SLC9D1: variants seen among roughly 807,000 people sequenced by gnomAD.
The protein encoded by SLC9D1 is solute carrier family 9 member D1.
the SLC9D1 span, among the ~76,000 whole-genome samples, chr13:113,548,818 T>C: frequency 6.6e-6 from 1 of 152,036 alleles, no homozygotes; most frequent in Non-Finnish European, 1.5e-5. Context: ...TGGGTGGAGG[T>C]TCCTGTGGAC....
chr13:113,524,282 A>C, the SLC9D1 span: 1 of 406,610 alleles, frequency 2.5e-6, no homozygotes, highest in Non-Finnish European at 4.8e-6. Context: ...TGTTTGGTAC[A>C]TACACATTTA....
the SLC9D1 span, among the ~76,000 whole-genome samples, chr13:113,548,621 C>T: frequency 4.6e-5 from 7 of 152,368 alleles, no homozygotes; most frequent in East Asian, 1.2e-3. Context: ...CAGCATGTGG[C>T]GTTTTCAGAG....
chr13:113,548,131 G>A, the SLC9D1 span, among the ~76,000 whole-genome samples: 4 of 152,070 alleles, frequency 2.6e-5, no homozygotes, highest in Non-Finnish European at 2.9e-5. Context: ...GAGGTTTTGC[G>A]TGTATTTGGT....
At chr13:113,548,220 C>G in the SLC9D1 span, 2 of 1,488,446 alleles carry the variant, frequency 1.3e-6, no homozygotes, top group African/African-American at 2.8e-5. Context: ...GTGCCTGTGG[C>G]TCGTCTGGGT....
the SLC9D1 span, chr13:113,504,766 C>T: frequency 2.0e-5 from 3 of 152,198 alleles, no homozygotes; most frequent in South Asian, 2.1e-4. Flanking sequence ...AACTGCAAAT[C>T]GTGCTGCTCT....
At chr13:113,509,384 T>TCC in the SLC9D1 span, among the ~76,000 whole-genome samples, 5 of 120,376 alleles carry the variant, frequency 4.2e-5, no homozygotes, top group Non-Finnish European at 8.7e-5. Flanking sequence ...GGTGGGTGGG[T>TCC]CCTCTGGAGC....
the SLC9D1 span, chr13:113,510,518 CAA>C: frequency 8.0e-7 from 1 of 1,246,304 alleles, no homozygotes; most frequent in Non-Finnish European, 1.1e-6. Context: ...GGAAAAATTG[CAA>C]AGTCTTATTT....
chr13:113,522,702 G>A, the SLC9D1 span, among the ~76,000 whole-genome samples: 1 of 151,900 alleles, frequency 6.6e-6, no homozygotes, highest in Non-Finnish European at 1.5e-5. Context: ...TCGTGATCTC[G>A]GCTCACTGAA....
chr13:113,525,410 A>G, the SLC9D1 span, among the ~76,000 whole-genome samples: 2 of 152,252 alleles, frequency 1.3e-5, no homozygotes, highest in East Asian at 1.9e-4. Context: ...AATACTTGAT[A>G]ACGACAATAA....
At chr13:113,548,798 C>T in the SLC9D1 span, among the ~76,000 whole-genome samples, 2 of 152,196 alleles carry the variant, frequency 1.3e-5, no homozygotes, top group Non-Finnish European at 2.9e-5. Flanking sequence ...TGGCAGTGTG[C>T]CCGGAGAGCT....
the SLC9D1 span, among the ~76,000 whole-genome samples, chr13:113,518,039 A>C: frequency 6.6e-6 from 1 of 152,256 alleles, no homozygotes; most frequent in African/African-American, 2.4e-5. Context: ...CTGTATATTT[A>C]AACTGTTTAA....
the SLC9D1 span, among the ~76,000 whole-genome samples, chr13:113,513,833 G>A: frequency 6.6e-6 from 1 of 152,134 alleles, no homozygotes; most frequent in African/African-American, 2.4e-5. Context: ...CTAAAATTCA[G>A]TGGGTACCAA....
the SLC9D1 span, chr13:113,549,310 G>A: frequency 1.3e-5 from 15 of 1,198,330 alleles, no homozygotes; most frequent in African/African-American, 2.3e-4. Flanking sequence ...CTCAGCCTCA[G>A]GACTCTAGCT....
chr13:113,544,896 CG>C, the SLC9D1 span, among the ~76,000 whole-genome samples: 8 of 152,246 alleles, frequency 5.3e-5, no homozygotes, highest in Non-Finnish European at 8.8e-5. Context: ...CCATAAAGCA[CG>C]AAGTGTTTTC....
At chr13:113,532,282 C>T in the SLC9D1 span, among the ~76,000 whole-genome samples, 3 of 152,224 alleles carry the variant, frequency 2.0e-5, no homozygotes, top group Admixed American at 2.0e-4. Context: ...GGAAGAGGAG[C>T]TGGTGAGCAG....
At chr13:113,514,433 G>A in the SLC9D1 span, 1 of 152,206 alleles carries the variant, frequency 6.6e-6, no homozygotes, top group African/African-American at 2.4e-5. Flanking sequence ...CAAAAAGGAA[G>A]ACATGAGCCT....
the SLC9D1 span, chr13:113,530,586 T>C: frequency 6.6e-6 from 1 of 152,172 alleles, no homozygotes; most frequent in Non-Finnish European, 1.5e-5. Flanking sequence ...AAAATTTATA[T>C]TTAAAATATC....
chr13:113,546,991 C>A, the SLC9D1 span, among the ~76,000 whole-genome samples: 2 of 152,164 alleles, frequency 1.3e-5, no homozygotes, highest in Non-Finnish European at 2.9e-5. This position sits in a 1 kb window ranked among gnomAD's most constrained non-coding sequence, Gnocchi z 7.1. Flanking sequence ...GGAATATTTC[C>A]TGAAGGAGTG....
the SLC9D1 span, among the ~76,000 whole-genome samples, chr13:113,515,890 C>CAAAAAA: frequency 1.9e-4 from 15 of 79,030 alleles, no homozygotes; most frequent in Non-Finnish European, 2.6e-4. Context: ...GACTCCGTCC[C>CAAAAAA]AAAAAAAAAA....
Sources: gnomAD v4.1 joint callset for allele counts (sites outside exome capture counted in the v4.1 genomes callset) on GRCh38, gnomAD v4.1.1 for gene constraint, Gnocchi (gnomAD v3.1) non-coding constraint, MANE v1.5 for transcripts, NCBI Gene and HGNC (gene_info 2026-07-23, HGNC 2026-07-21) for gene names.